The following DISC1 variants were observed in gnomAD, a reference collection of about 807,000 sequenced individuals.
The protein encoded by DISC1 is disrupted in schizophrenia 1 protein.
DISC1 carries 57 observed loss-of-function variants against 84.5 expected under a neutral mutation model. The observed-to-expected ratio is 0.67, with a 90% CI of 0.55 to 0.84. The LOEUF (loss-of-function observed/expected upper bound fraction) is 0.84, where lower values mean the gene tolerates loss of function less well. Ranked by LOEUF, DISC1 falls within the 40% of genes least tolerant of loss-of-function variation. The pLI, the probability that DISC1 is intolerant of heterozygous loss-of-function variation, is 0.00. For missense variants in DISC1, 1,000 were observed against 1,057.8 expected, an observed-to-expected ratio of 0.95 and a Z score of 0.76; for synonymous variants, 411 against 415.2, an observed-to-expected ratio of 0.99 and a Z score of 0.12.
intron 1 of DISC1, among the ~76,000 whole-genome samples, chr1:231,631,534 A>G (rs1451558965): frequency 6.6e-6 from 1 of 152,210 alleles, no homozygotes; most frequent in Non-Finnish European, 1.5e-5. Context: ...GGTGGAAGGC[A>G]GGGATAGTGA....
At chr1:232,021,445 C>T (rs996504912) in intron 11 of DISC1, among the ~76,000 whole-genome samples, 29 of 152,100 alleles carry the variant, frequency 1.9e-4, no homozygotes, top group African/African-American at 6.5e-4. Flanking sequence ...TCTGGGATTA[C>T]TGACCAGTGG....
chr1:231,958,958 T>G, intron 10 of DISC1, 70 bp downstream of exon 10: 1 of 1,517,918 alleles, frequency 6.6e-7, no homozygotes, highest in Non-Finnish European at 8.8e-7. Flanking sequence ...CAGAATTTAG[T>G]TAAATCGATG....
chr1:231,994,815 G>A (rs1485116654), intron 10 of DISC1, among the ~76,000 whole-genome samples: 1 of 152,124 alleles, frequency 6.6e-6, no homozygotes, highest in Non-Finnish European at 1.5e-5. Flanking sequence ...AACTATGAAG[G>A]GGATTGTCAT....
At chr1:231,865,649 C>T (rs983608739) in intron 9 of DISC1, among the ~76,000 whole-genome samples, 2 of 152,210 alleles carry the variant, frequency 1.3e-5, no homozygotes, top group Admixed American at 1.3e-4. Flanking sequence ...GTTATACTTT[C>T]TGTCTCTGAA....
At position 231,958,826 on chromosome 1, in the gene DISC1, A is replaced by T. The variant is rs1490216444; in HGVS notation, c.1982-2A>T. 1 of 1,613,472 alleles carries T rather than the reference A, an allele frequency of 6.2e-7. No homozygotes were observed. The highest frequency in any genetic ancestry group is 8.5e-7 in the Non-Finnish European group (1 of 1,179,720). ...ACTTTGGATTTCCTTTTTTTCCCCC[A>T]GAAACAAGTGTGAAGGAAAATACTA... On this transcript the variant is annotated splice_acceptor_variant, in intron 9 of 12. Coordinates refer to ENST00000439617, the MANE Select transcript of DISC1 (RefSeq NM_018662.3). LOFTEE classifies it high-confidence loss of function.
intron 10 of DISC1, among the ~76,000 whole-genome samples, chr1:232,000,446 C>G (rs1666542182): frequency 6.6e-6 from 1 of 152,082 alleles, no homozygotes; most frequent in Admixed American, 6.5e-5. Flanking sequence ...AGCCTCTGGG[C>G]TCTGTGGGAC....
chr1:231,906,986 TTTTC>T (rs918077675), intron 9 of DISC1, among the ~76,000 whole-genome samples: 50 of 151,432 alleles, frequency 3.3e-4, no homozygotes, highest in Non-Finnish European at 4.0e-4. Context: ...CTTTTCTTTC[TTTTC>T]TTTCTTTCTT....
chr1:231,813,927 T>C (rs2080603475), intron 8 of DISC1, among the ~76,000 whole-genome samples: 1 of 152,154 alleles, frequency 6.6e-6, no homozygotes, highest in South Asian at 2.1e-4. Flanking sequence ...GGAGCAGTAC[T>C]TGTTCTCTTT....
chr1:231,682,266 C>T (rs1452720413), intron 1 of DISC1, among the ~76,000 whole-genome samples: 2 of 152,112 alleles, frequency 1.3e-5, no homozygotes, highest in Non-Finnish European at 2.9e-5. Context: ...ATGAAACTTC[C>T]AGGAAGGGAA....
intron 1 of DISC1, among the ~76,000 whole-genome samples, chr1:231,692,835 C>G (rs1053624230): frequency 6.6e-6 from 1 of 152,148 alleles, no homozygotes; most frequent in Non-Finnish European, 1.5e-5. Flanking sequence ...AAAAGGAAAG[C>G]TATAGTTTCG....
intron 6 of DISC1, among the ~76,000 whole-genome samples, chr1:231,782,493 C>T (rs986540861): frequency 6.6e-6 from 1 of 152,036 alleles, no homozygotes; most frequent in African/African-American, 2.4e-5. Context: ...TATTCTTAGC[C>T]AGACGCCAGT....
chr1:231,741,550 G>C (rs1358341085), intron 3 of DISC1, among the ~76,000 whole-genome samples: 5 of 152,188 alleles, frequency 3.3e-5, no homozygotes, highest in African/African-American at 1.2e-4. Flanking sequence ...GGCGCCTCTT[G>C]TGTGGATGCA....
chr1:231,845,885 G>A (rs150136643), intron 9 of DISC1, among the ~76,000 whole-genome samples: 162 of 152,230 alleles, frequency 1.1e-3, no homozygotes, highest in Admixed American at 1.6e-3. Flanking sequence ...AAGTGAGGTG[G>A]GATGGTGAGA....
intron 6 of DISC1, among the ~76,000 whole-genome samples, chr1:231,790,769 C>T (rs377221690): frequency 1.2e-3 from 180 of 152,256 alleles, no homozygotes; most frequent in East Asian, 4.8e-3. Context: ...CTGCCCACCT[C>T]GGCCTCCCAA....
chr1:232,019,721 A>G (rs993977788), intron 11 of DISC1, among the ~76,000 whole-genome samples: 2 of 152,100 alleles, frequency 1.3e-5, no homozygotes, highest in Non-Finnish European at 2.9e-5. Context: ...CTGGATACTC[A>G]TGTTCTTATT....
chr1:231,944,380 G>C lies in DISC1; in HGVS notation c.1982-14448G>C, dbSNP rs892420594. ...AAAGAAAATGGCCTTGTCCAAAGTT[G>C]CATCTGGATCTGGTATCCAATCAAT... On this transcript the variant is annotated intron_variant, in intron 9 of 12. Transcript: ENST00000439617. Among the ~76,000 whole-genome samples the C allele has an allele frequency of 1.5e-4, 23 of 152,162 alleles. 1 individual carries two copies. Among genetic ancestry groups the C allele is most frequent in the Admixed American group, 1.5e-3 (23 of 15,280 alleles).
At chr1:231,678,719 G>A (rs1397495372) in intron 1 of DISC1, among the ~76,000 whole-genome samples, 1 of 152,176 alleles carries the variant, frequency 6.6e-6, no homozygotes, top group Non-Finnish European at 1.5e-5. Context: ...CCAGGCTGGA[G>A]TACAGTGGCC....
At chr1:231,714,953 A>G (rs1270441050) in intron 3 of DISC1, among the ~76,000 whole-genome samples, 4 of 152,240 alleles carry the variant, frequency 2.6e-5, no homozygotes, top group African/African-American at 9.6e-5. Context: ...ATGTCAAAGA[A>G]CTTGTGGGCA....
chr1:231,657,686 A>G (rs1423212838), intron 1 of DISC1, among the ~76,000 whole-genome samples: 3 of 152,002 alleles, frequency 2.0e-5, no homozygotes, highest in East Asian at 1.9e-4. Context: ...TCCAGTTTCA[A>G]TTTTCTGCAT....
Sources: allele counts gnomAD v4.1 joint callset (sites outside exome capture counted in the v4.1 genomes callset), GRCh38; gene constraint gnomAD v4.1.1; transcripts MANE v1.5; gene names NCBI Gene and HGNC (gene_info 2026-07-23, HGNC 2026-07-21).